The following OPCML variants were observed in gnomAD, a reference collection of about 807,000 sequenced individuals.
The protein encoded by OPCML is opioid-binding protein/cell adhesion molecule.
OPCML carries 13 observed loss-of-function variants against 37.8 expected under a neutral mutation model. That is an observed-to-expected ratio of 0.34 (90% CI 0.22 to 0.55). The LOEUF is 0.55. OPCML is among the 20% of genes least tolerant of loss of function. The pLI is 0.91. For synonymous variants in OPCML, 176 were observed against 168.8 expected (o/e 1.04, Z -0.33); for missense variants, 341 against 435.6 (o/e 0.78, Z 1.93).
At chr11:132,703,209 T>C (rs1442386780) in intron 2 of OPCML, among the ~76,000 whole-genome samples, 2 of 152,166 alleles carry the variant, frequency 1.3e-5, no homozygotes, top group Non-Finnish European at 2.9e-5. Flanking sequence ...AGCTATATGG[T>C]ATATAGTCTA....
chr11:133,262,729 C>T (rs1005763713), intron 1 of OPCML, among the ~76,000 whole-genome samples: 1 of 152,188 alleles, frequency 6.6e-6, no homozygotes, highest in East Asian at 1.9e-4. Flanking sequence ...GATACCCTGA[C>T]TGTGGAGTGG....
chr11:132,465,534 C>CT (rs10713061), intron 4 of OPCML, among the ~76,000 whole-genome samples: 146 of 151,658 alleles, frequency 9.6e-4, no homozygotes, highest in African/African-American at 3.4e-3. Context: ...TTCGATTGGA[C>CT]TTTTTTTTAC....
chr11:132,574,324 A>C (rs1158279745), intron 3 of OPCML, among the ~76,000 whole-genome samples: 1 of 131,010 alleles, frequency 7.6e-6, no homozygotes, highest in South Asian at 2.2e-4. Flanking sequence ...TTCTTTTTCT[A>C]ACTCCTAGAG....
intron 1 of OPCML, among the ~76,000 whole-genome samples, chr11:133,137,130 G>C (rs1000158392): frequency 1.3e-5 from 2 of 152,126 alleles, no homozygotes; most frequent in African/African-American, 4.8e-5. Context: ...CTTGTGGAAA[G>C]GTTCTGGGAA....
At chr11:133,483,795 T>TAGATGATAGATAGATAGATA (rs1555165668) in intron 1 of OPCML, among the ~76,000 whole-genome samples, 2 of 132,428 alleles carry the variant, frequency 1.5e-5, no homozygotes, top group East Asian at 4.5e-4. Context: ...GATACATAGA[T>TAGATGATAGATAGATAGATA]GATAGATAGA....
At chr11:133,088,778 T>C (rs988015044) in intron 1 of OPCML, among the ~76,000 whole-genome samples, 5 of 152,114 alleles carry the variant, frequency 3.3e-5, no homozygotes, top group African/African-American at 9.7e-5. Context: ...CCCAGAATGG[T>C]CTAAATGTTT....
At chr11:133,274,504 C>T (rs1413668429) in intron 1 of OPCML, among the ~76,000 whole-genome samples, 1 of 152,200 alleles carries the variant, frequency 6.6e-6, no homozygotes, top group African/African-American at 2.4e-5. Context: ...AAGAGGGGTT[C>T]TCCCCTGTAG....
intron 1 of OPCML, among the ~76,000 whole-genome samples, chr11:133,460,566 G>A (rs1196695631): frequency 6.6e-6 from 1 of 151,758 alleles, no homozygotes; most frequent in Non-Finnish European, 1.5e-5. Context: ...ATAAACGATT[G>A]TACACTAAGA....
At chr11:133,334,743 G>A (rs1462036738) in intron 1 of OPCML, among the ~76,000 whole-genome samples, 1 of 152,174 alleles carries the variant, frequency 6.6e-6, no homozygotes, top group African/African-American at 2.4e-5. Context: ...CCCATAGAGT[G>A]TACCAGTGAG....
intron 1 of OPCML, among the ~76,000 whole-genome samples, chr11:133,207,119 T>TAAAAAAAAAAA (rs71038525): frequency 1.0e-4 from 10 of 99,668 alleles, no homozygotes; most frequent in East Asian, 3.3e-4. Flanking sequence ...AACCCTCTAC[T>TAAAAAAAAAAA]AAAAAAAAAA....
At chr11:132,517,611 C>A (rs758266374) in intron 4 of OPCML, among the ~76,000 whole-genome samples, 1 of 152,168 alleles carries the variant, frequency 6.6e-6, no homozygotes, top group Non-Finnish European at 1.5e-5. Context: ...CTTGTAAAGT[C>A]GGTCTCAATT....
intron 1 of OPCML, among the ~76,000 whole-genome samples, chr11:133,480,722 T>A (rs1011510914): frequency 6.6e-6 from 1 of 152,260 alleles, no homozygotes; most frequent in African/African-American, 2.4e-5. Flanking sequence ...TCTTGTATTA[T>A]TATGCATCTA....
At chr11:132,762,785 G>A (rs1331688526) in intron 2 of OPCML, among the ~76,000 whole-genome samples, 2 of 152,060 alleles carry the variant, frequency 1.3e-5, no homozygotes, top group Non-Finnish European at 2.9e-5. Context: ...AAGCCCACTC[G>A]GCTCCCTGGC....
chr11:132,805,158 G>A (rs1938924729), intron 2 of OPCML, among the ~76,000 whole-genome samples: 1 of 152,080 alleles, frequency 6.6e-6, no homozygotes, highest in Admixed American at 6.6e-5. Context: ...TAACTGGATG[G>A]ACTCATTAGC....
chr11:133,511,777 T>C (rs554798309), intron 1 of OPCML, among the ~76,000 whole-genome samples: 5 of 152,252 alleles, frequency 3.3e-5, no homozygotes, highest in Admixed American at 3.3e-4. Flanking sequence ...GCTATGTTTG[T>C]TGTGTATTAT....
chr11:132,677,899 C>A (rs149820232), intron 2 of OPCML, among the ~76,000 whole-genome samples: 3 of 152,036 alleles, frequency 2.0e-5, no homozygotes, highest in African/African-American at 4.8e-5. Context: ...AGAATTGATA[C>A]GCTGGATTTC....
At position 133,197,964 on chromosome 11, in the gene OPCML, C is replaced by G. The variant is rs561024603; in HGVS notation, c.62-254954G>C. Among the ~76,000 whole-genome samples the G allele has an allele frequency of 3.3e-5, 5 of 152,174 alleles. No individual in the cohort carries two copies. The East Asian group carries it at 7.7e-4, about 23-fold the overall frequency. On this transcript the variant is annotated intron_variant, in intron 1 of 7. Transcript: ENST00000524381. Reference sequence around the variant, plus strand: ...CCTCCAGGAGGCTTCACTGCACAACCGCCAGGCCTACTCACAAAACCTATC... The same window carrying G: ...CCTCCAGGAGGCTTCACTGCACAACGGCCAGGCCTACTCACAAAACCTATC...
In OPCML at chr11:133,112,277, C is replaced by T. The variant is rs565736798; in HGVS notation, c.62-169267G>A. ...ACCTTTTGAAGTTCAAGTTCATTGA[C>T]TCTTGGCCAAAAAAAAAAAAAAAAA... is the stretch of plus-strand genomic sequence containing the variant. On this transcript the variant is annotated intron_variant, in intron 1 of 7. Transcript: ENST00000524381. Among the ~76,000 whole-genome samples the T allele has an allele frequency of 2.5e-3, 226 of 89,946 alleles. 3 individuals carry two copies. The highest frequency in any genetic ancestry group is 8.8e-3 in the African/African-American group (209 of 23,864). The allele number at this position is 89,946 out of a possible 152,430, so 59.0% of individuals were successfully genotyped here.
In OPCML at chr11:132,934,646, G is replaced by A. The variant is rs538246060; in HGVS notation, c.146+8280C>T. ...GTTGCTGTTGCTGTTTTTCTCACAG[G>A]TACACACTGTCCCCTTCTTTAGCTC... On this transcript the variant is annotated intron_variant, in intron 2 of 7. Transcript: ENST00000524381. Among the ~76,000 whole-genome samples, 8 of 152,188 alleles carry A rather than the reference G, an allele frequency of 5.3e-5. No homozygotes were observed. In the East Asian group the frequency reaches 1.5e-3, roughly 29 times the overall value.
Sources: gnomAD v4.1 joint callset for allele counts (sites outside exome capture counted in the v4.1 genomes callset) on GRCh38, gnomAD v4.1.1 for gene constraint, MANE v1.5 for transcripts, NCBI Gene and HGNC (gene_info 2026-07-23, HGNC 2026-07-21) for gene names.